The following PCSK2 variants were observed in gnomAD, a reference collection of about 807,000 sequenced individuals.
The protein encoded by PCSK2 is neuroendocrine convertase 2.
In PCSK2, 14 loss-of-function variants were observed where a neutral mutation model predicts 69.7. The ratio of observed to expected loss-of-function variants is 0.20; its 90% CI spans 0.13 to 0.31. The LOEUF is 0.31. Among genes scored for constraint, PCSK2 ranks in the 10% least tolerant of loss-of-function variants. The probability of loss-of-function intolerance (pLI) is 1.00; values close to 1 mark genes in which losing one functional copy is unlikely to be tolerated. For missense variants in PCSK2, 544 were observed against 842.5 expected (o/e 0.65, Z 4.39); for synonymous variants, 307 against 320.7 (o/e 0.96, Z 0.46).
At chr20:17,325,793 A>C (rs866287254) in intron 2 of PCSK2, among the ~76,000 whole-genome samples, 2 of 149,398 alleles carry the variant, frequency 1.3e-5, no homozygotes, top group African/African-American at 5.0e-5. Flanking sequence ...CAGGCATGTT[A>C]TTCTCAAGCC....
intron 1 of PCSK2, among the ~76,000 whole-genome samples, chr20:17,249,843 G>A (rs896222261): frequency 1.3e-5 from 2 of 152,106 alleles, no homozygotes; most frequent in South Asian, 2.1e-4. Context: ...GGCTGGGGGG[G>A]GAATGGAGAG....
intron 2 of PCSK2, among the ~76,000 whole-genome samples, chr20:17,296,955 T>G (rs570680695): frequency 5.9e-5 from 9 of 152,310 alleles, no homozygotes; most frequent in South Asian, 2.1e-4. Flanking sequence ...ATCTAGAGAG[T>G]AAGCTAAGCT....
At chr20:17,382,124 A>G (rs1027100764) in intron 5 of PCSK2, among the ~76,000 whole-genome samples, 2 of 151,998 alleles carry the variant, frequency 1.3e-5, no homozygotes, top group South Asian at 2.1e-4. Context: ...TCCCGTGGAG[A>G]GTTGGTAGTT....
chr20:17,263,632 A>G (rs1325346554), intron 2 of PCSK2, among the ~76,000 whole-genome samples: 1 of 152,218 alleles, frequency 6.6e-6, no homozygotes, highest in African/African-American at 2.4e-5. Flanking sequence ...AAAGTACTAT[A>G]TAGTCTTCTC....
chr20:17,445,777 C>T (rs935030306), intron 8 of PCSK2, among the ~76,000 whole-genome samples: 2 of 152,230 alleles, frequency 1.3e-5, no homozygotes, highest in Admixed American at 6.5e-5. Context: ...TGCTCTGCAG[C>T]CAGATGAAGG....
intron 11 of PCSK2, among the ~76,000 whole-genome samples, chr20:17,465,846 T>G (rs1310270713): frequency 1.3e-5 from 2 of 152,078 alleles, no homozygotes; most frequent in African/African-American, 4.8e-5. Context: ...TTTTTTTATT[T>G]TTTGTAGAGA....
intron 2 of PCSK2, among the ~76,000 whole-genome samples, chr20:17,332,054 G>T (rs977732287): frequency 7.2e-5 from 11 of 152,142 alleles, no homozygotes; most frequent in Non-Finnish European, 1.6e-4. Flanking sequence ...CTTTACATTT[G>T]TTAACTTATT....
intron 4 of PCSK2, among the ~76,000 whole-genome samples, chr20:17,364,875 C>T (rs936890432): frequency 2.0e-5 from 3 of 152,148 alleles, no homozygotes; most frequent in Non-Finnish European, 4.4e-5. Flanking sequence ...GCACTCCTAT[C>T]GCTGGTGGTT....
chr20:17,260,634 G>A (rs1008183522), intron 2 of PCSK2, among the ~76,000 whole-genome samples: 4 of 152,098 alleles, frequency 2.6e-5, no homozygotes. Context: ...CGGGTTGCCT[G>A]GGAACATGTT....
At chr20:17,340,735 C>T (rs1990487623) in intron 2 of PCSK2, among the ~76,000 whole-genome samples, 1 of 152,160 alleles carries the variant, frequency 6.6e-6, no homozygotes, top group East Asian at 1.9e-4. Flanking sequence ...CCTGAATCTT[C>T]AGCAGAATGT....
intron 2 of PCSK2, among the ~76,000 whole-genome samples, chr20:17,262,420 C>G (rs1374209072): frequency 6.6e-6 from 1 of 151,536 alleles, no homozygotes; most frequent in Non-Finnish European, 1.5e-5. Flanking sequence ...TAAACTCATT[C>G]TAGGAAAATA....
chr20:17,471,257 A>AATAATGTT (rs1312562174), intron 11 of PCSK2, among the ~76,000 whole-genome samples: 1 of 152,212 alleles, frequency 6.6e-6, no homozygotes, highest in African/African-American at 2.4e-5. Context: ...GAACACTGGA[A>AATAATGTT]ATAATGTTAT....
In PCSK2 at chr20:17,434,685, G is replaced by A. The variant is rs564211974; in HGVS notation, c.710-2023G>A. Among the ~76,000 whole-genome samples the A allele has an allele frequency of 2.6e-5, 4 of 152,302 alleles. No homozygotes were observed. The East Asian group carries it at 5.8e-4, about 22-fold the overall frequency. ...CTGGCAAAATCCAGGGCTGGCATTC[G>A]TTGGTTTGTGGGGCAGCAGAAACCT... On this transcript the variant is annotated intron_variant, in intron 7 of 11. Transcript: ENST00000262545.
chr20:17,446,580 G>A lies in PCSK2; in HGVS notation c.886-7162G>A, dbSNP rs187903438. Among the ~76,000 whole-genome samples, 58 of 152,294 alleles carry A rather than the reference G, an allele frequency of 3.8e-4. 1 individual carries two copies. Among genetic ancestry groups the A allele is most frequent in the Non-Finnish European group, 2.9e-5 (2 of 68,032 alleles). On this transcript the variant is annotated intron_variant, in intron 8 of 11. Coordinates refer to ENST00000262545, the MANE Select transcript of PCSK2 (RefSeq NM_002594.5). Reference sequence around the variant, plus strand: ...AGCAATGACTACCACAATGTGTACCGAAACAGTTAGGTAGCTCAAGAGGTA... The same window carrying A: ...AGCAATGACTACCACAATGTGTACCAAAACAGTTAGGTAGCTCAAGAGGTA...
chr20:17,237,622 C>T (rs1248922812), intron 1 of PCSK2, among the ~76,000 whole-genome samples: 1 of 152,188 alleles, frequency 6.6e-6, no homozygotes, highest in Non-Finnish European at 1.5e-5. Context: ...TAGGAGGAGT[C>T]ACCCTAGCAC....
intron 2 of PCSK2, among the ~76,000 whole-genome samples, chr20:17,268,574 G>A (rs1375001961): frequency 6.6e-6 from 1 of 152,140 alleles, no homozygotes; most frequent in African/African-American, 2.4e-5. Context: ...GTGTGTTCCA[G>A]GAACAGCAAG....
chr20:17,415,291 G>C (rs1490087676), intron 6 of PCSK2, among the ~76,000 whole-genome samples: 1 of 152,174 alleles, frequency 6.6e-6, no homozygotes, highest in Non-Finnish European at 1.5e-5. Context: ...AAACCCCATC[G>C]TCTCAGCCCA....
At chr20:17,323,865 CAG>C (rs1989954252) in intron 2 of PCSK2, among the ~76,000 whole-genome samples, 1 of 152,204 alleles carries the variant, frequency 6.6e-6, no homozygotes, top group Admixed American at 6.5e-5. Context: ...TTTCTGGGAG[CAG>C]AGATTCTGTG....
chr20:17,406,641 G>A (rs900282514), intron 5 of PCSK2, among the ~76,000 whole-genome samples: 2 of 152,170 alleles, frequency 1.3e-5, no homozygotes, highest in Non-Finnish European at 2.9e-5. Flanking sequence ...AGAGTCAGGA[G>A]CAGAGCCAAC....
Sources: allele counts gnomAD v4.1 joint callset (sites outside exome capture counted in the v4.1 genomes callset), GRCh38; gene constraint gnomAD v4.1.1; transcripts MANE v1.5; gene names NCBI Gene and HGNC (gene_info 2026-07-23, HGNC 2026-07-21).